Variants in ATG10 observed in about 807,000 individuals in gnomAD.
ATG10 encodes the protein ubiquitin-like-conjugating enzyme ATG10.
Under a neutral mutation model 32.1 loss-of-function variants are expected in ATG10, and 30 were observed. The observed-to-expected ratio is 0.94, with a 90% CI of 0.70 to 1.27. The LOEUF is 1.27. Among genes scored for constraint, ATG10 ranks in the 50% most tolerant of loss-of-function variants. ATG10 has a pLI of 0.00. For synonymous variants in ATG10, 87 were observed against 91.5 expected (o/e 0.95, Z 0.28); for missense variants, 233 against 262.3 (o/e 0.89, Z 0.77).
chr5:82,018,988 T>C (rs1270717860), intron 2 of ATG10, among the ~76,000 whole-genome samples: 5 of 152,200 alleles, frequency 3.3e-5, no homozygotes, highest in Non-Finnish European at 7.3e-5. Context: ...CTTTGTTTAA[T>C]TTGTTGATAT....
chr5:81,996,478 G>A (rs940988194), intron 2 of ATG10, among the ~76,000 whole-genome samples: 2 of 152,126 alleles, frequency 1.3e-5, no homozygotes. Context: ...GGCCTCAAGC[G>A]ATCCTCCCAC....
At chr5:82,127,848 G>C (rs553073199) in intron 3 of ATG10, among the ~76,000 whole-genome samples, 58 of 152,206 alleles carry the variant, frequency 3.8e-4, no homozygotes, top group African/African-American at 1.3e-3. Flanking sequence ...CTAATTTTCT[G>C]TCTTGTTGAT....
intron 3 of ATG10, among the ~76,000 whole-genome samples, chr5:82,131,267 A>T (rs930053223): frequency 2.6e-5 from 4 of 152,280 alleles, no homozygotes; most frequent in Non-Finnish European, 4.4e-5. Flanking sequence ...AATTGGTATT[A>T]ATATGGGAGT....
chr5:82,067,673 TTGTC>T (rs1229406273), intron 3 of ATG10, among the ~76,000 whole-genome samples: 1 of 152,166 alleles, frequency 6.6e-6, no homozygotes, highest in Non-Finnish European at 1.5e-5. Context: ...ATCTTTGAAA[TTGTC>T]TGTGCTATAT....
chr5:82,228,038 T>G (rs982800762), intron 5 of ATG10, among the ~76,000 whole-genome samples: 16 of 151,902 alleles, frequency 1.1e-4, no homozygotes, highest in African/African-American at 3.6e-4. Flanking sequence ...AAACCCCACC[T>G]CTGCAAAAAA....
chr5:82,152,374 C>T (rs775309973), intron 3 of ATG10, among the ~76,000 whole-genome samples: 1 of 152,254 alleles, frequency 6.6e-6, no homozygotes, highest in Non-Finnish European at 1.5e-5. Context: ...GCTGGCTGCT[C>T]AGCAGCACTG....
intron 3 of ATG10, among the ~76,000 whole-genome samples, chr5:82,123,824 T>C (rs1175174584): frequency 2.0e-5 from 3 of 150,512 alleles, no homozygotes; most frequent in African/African-American, 7.3e-5. Context: ...TTGTCTCAGC[T>C]AGTCAGGAGG....
intron 3 of ATG10, among the ~76,000 whole-genome samples, chr5:82,092,848 C>T (rs138659309): frequency 3.0e-4 from 46 of 152,284 alleles, no homozygotes; most frequent in African/African-American, 9.9e-4. Context: ...GCATAATTTA[C>T]TGGAAGCCAT....
chr5:82,159,656 A>G (rs1743225637), intron 3 of ATG10, among the ~76,000 whole-genome samples: 3 of 152,084 alleles, frequency 2.0e-5, no homozygotes, highest in African/African-American at 7.2e-5. Flanking sequence ...TCACCACTCC[A>G]TGCCAGTCAT....
chr5:82,048,826 T>G (rs1450995466), intron 2 of ATG10, among the ~76,000 whole-genome samples: 2 of 152,118 alleles, frequency 1.3e-5, no homozygotes, highest in African/African-American at 2.4e-5. Context: ...ATCAGAGAAA[T>G]GCAAATCAAA....
At chr5:82,127,372 G>A (rs2149836477) in intron 3 of ATG10, among the ~76,000 whole-genome samples, 2 of 152,198 alleles carry the variant, frequency 1.3e-5, no homozygotes, top group Admixed American at 1.3e-4. Context: ...TAATTGTGAT[G>A]TTAAGGTATC....
intron 2 of ATG10, chr5:82,009,453 G>A: frequency 4.9e-6 from 3 of 618,188 alleles, no homozygotes; most frequent in Non-Finnish European, 8.5e-6. Context: ...GGCATGGGAG[G>A]GAACAAGGAA....
chr5:82,187,416 C>CA (rs1744493082), intron 5 of ATG10, among the ~76,000 whole-genome samples: 1 of 148,382 alleles, frequency 6.7e-6, no homozygotes, highest in Non-Finnish European at 1.5e-5. Flanking sequence ...GAGGGTGAGG[C>CA]AGGAGAATCA....
chr5:82,213,123 C>CT (rs1745554940), intron 5 of ATG10, among the ~76,000 whole-genome samples: 1 of 152,206 alleles, frequency 6.6e-6, no homozygotes, highest in African/African-American at 2.4e-5. Flanking sequence ...CCAGTGATGC[C>CT]TTTGATTTCA....
rs1349014014 is a variant in ATG10 at position 82,218,794 on chromosome 5, T to C, written c.454-33768T>C. Among the ~76,000 whole-genome samples the C allele has an allele frequency of 2.6e-5, 4 of 152,232 alleles. No individual in the cohort carries two copies. The East Asian group carries it at 7.7e-4, about 29-fold the overall frequency. On this transcript the variant is annotated intron_variant, in intron 5 of 7. Coordinates refer to ENST00000282185, the MANE Select transcript of ATG10 (RefSeq NM_031482.5). ...TCTCTCTGCACAGAGCTCTTTGATA[T>C]ACTGTTGTTGAGGCGCACCTAACCC...
At chr5:82,217,799 C>T (rs1368623980) in intron 5 of ATG10, among the ~76,000 whole-genome samples, 3 of 149,298 alleles carry the variant, frequency 2.0e-5, no homozygotes, top group Admixed American at 6.6e-5. Flanking sequence ...ATAACAAGAC[C>T]CCCTCTCTAC....
intron 5 of ATG10, among the ~76,000 whole-genome samples, chr5:82,226,786 A>C (rs1382716447): frequency 6.6e-6 from 1 of 152,220 alleles, no homozygotes. Flanking sequence ...CAGGCCTGCT[A>C]TCTTTTCATG....
At chr5:82,054,281 C>T (rs982584371) in intron 2 of ATG10, among the ~76,000 whole-genome samples, 28 of 152,268 alleles carry the variant, frequency 1.8e-4, no homozygotes, top group African/African-American at 6.7e-4. Context: ...TCAGGGATTG[C>T]AGTACATGCC....
chr5:82,046,858 C>T (rs1763249806), intron 2 of ATG10, among the ~76,000 whole-genome samples: 1 of 151,976 alleles, frequency 6.6e-6, no homozygotes, highest in African/African-American at 2.4e-5. Flanking sequence ...TCTTAATTCT[C>T]TTGAGTAATT....
Sources: allele counts gnomAD v4.1 joint callset (sites outside exome capture counted in the v4.1 genomes callset), GRCh38; gene constraint gnomAD v4.1.1; transcripts MANE v1.5; gene names NCBI Gene and HGNC (gene_info 2026-07-23, HGNC 2026-07-21).